NCOR2: variants seen among roughly 807,000 people sequenced by gnomAD.
The protein encoded by NCOR2 is CTG repeat protein 26.
Under a neutral mutation model 262.9 loss-of-function variants are expected in NCOR2, and 81 were observed. The ratio of observed to expected loss-of-function variants is 0.31; its 90% confidence interval spans 0.26 to 0.37. The LOEUF is 0.37. NCOR2 is among the 10% of genes least tolerant of loss of function. The pLI is 1.00. For synonymous variants in NCOR2, 1,659 were observed against 1,559.3 expected, an observed-to-expected ratio of 1.06 and a Z score of -1.51; for missense variants, 3,385 against 3,621.4, an observed-to-expected ratio of 0.93 and a Z score of 1.68.
At chr12:124,332,644 C>T (rs2035303201) in intron 42 of NCOR2, among the ~76,000 whole-genome samples, 177 bp from the exon 45 acceptor site, 1 of 152,138 alleles carries the variant, frequency 6.6e-6, no homozygotes, top group Admixed American at 6.5e-5. Flanking sequence ...CTCTGCGGTT[C>T]ACCCGTCCTG....
intron 1 of NCOR2, among the ~76,000 whole-genome samples, chr12:124,489,095 C>G (rs2047936935): frequency 6.6e-6 from 1 of 151,952 alleles, no homozygotes; most frequent in Non-Finnish European, 1.5e-5. Flanking sequence ...ACAAGAGTAC[C>G]TGGAGGCTCT....
chr12:124,357,865 T>C (rs942886766), intron 22 of NCOR2, among the ~76,000 whole-genome samples: 6 of 150,326 alleles, frequency 4.0e-5, no homozygotes, highest in East Asian at 2.0e-4. Context: ...GATGTGTGTG[T>C]GCGCCTGTAC....
intron 19 of NCOR2, 106 bp from the exon 22 acceptor site, chr12:124,372,716 CAA>C: frequency 9.9e-7 from 1 of 1,014,538 alleles, no homozygotes; most frequent in Non-Finnish European, 1.4e-6. Flanking sequence ...CGCCTGATGC[CAA>C]AACAGCCCCG....
intron 7 of NCOR2, among the ~76,000 whole-genome samples, chr12:124,444,493 A>G (rs2045023030): frequency 6.6e-6 from 1 of 152,118 alleles, no homozygotes; most frequent in Non-Finnish European, 1.5e-5. Flanking sequence ...TGGAAAAGGA[A>G]AGCTTGGGGG....
At chr12:124,428,724 A>G (rs1258001738) in intron 10 of NCOR2, among the ~76,000 whole-genome samples, 2 of 152,184 alleles carry the variant, frequency 1.3e-5, no homozygotes, top group Non-Finnish European at 2.9e-5. Flanking sequence ...CTGAATTGCT[A>G]ATTTTATCCC....
intron 1 of NCOR2, among the ~76,000 whole-genome samples, chr12:124,540,946 A>AGC (rs1450446630): frequency 2.0e-3 from 1 of 490 alleles, no homozygotes; most frequent in Non-Finnish European, 3.6e-3. Context: ...GGGAGTGGAG[A>AGC]TGGAGGGGGA....
At chr12:124,477,198 A>G (rs1442049797) in intron 3 of NCOR2, among the ~76,000 whole-genome samples, 1 of 152,148 alleles carries the variant, frequency 6.6e-6, no homozygotes, top group Non-Finnish European at 1.5e-5. Flanking sequence ...GGCCAAGTGG[A>G]GGTCATTGAA....
Position 124,531,069 on chromosome 12 carries a change from G to A in NCOR2, c.-118+4496C>T, listed in dbSNP as rs563574959. ...GGCTCCACCCAACCCGCCTCTCCCA[G>A]GGAAGCAGGGACAAAAGGATGGGGC... On this transcript the variant is annotated intron_variant, in intron 1 of 46. Transcript: ENST00000404621. The surrounding 1 kb of genome is among the most constrained non-coding windows in gnomAD (Gnocchi z 4.5). Among the ~76,000 whole-genome samples the A allele has an allele frequency of 3.0e-4, 45 of 152,208 alleles. No homozygotes were observed. The highest frequency in any genetic ancestry group is 4.7e-4 in the Non-Finnish European group (32 of 68,034).
chr12:124,404,432 G>C (rs2042159396), intron 13 of NCOR2, among the ~76,000 whole-genome samples: 1 of 152,228 alleles, frequency 6.6e-6, no homozygotes, highest in Non-Finnish European at 1.5e-5. Context: ...CTCCCGATGG[G>C]AGCAGCAGCC....
chr12:124,335,702 C>T, intron 38 of NCOR2, 70 bp from the exon 41 acceptor site: 1 of 1,515,248 alleles, frequency 6.6e-7, no homozygotes, highest in Non-Finnish European at 8.8e-7. Flanking sequence ...GCAGGGCTGC[C>T]CTCCCAGCTG....
chr12:124,414,207 G>A (rs1450730517), intron 13 of NCOR2, among the ~76,000 whole-genome samples: 1 of 152,230 alleles, frequency 6.6e-6, no homozygotes, highest in African/African-American at 2.4e-5. Flanking sequence ...CGGGCTGCAT[G>A]TGCCAGGCTA....
chr12:124,564,369 G>T (rs1714782201), intron 1 of NCOR2, among the ~76,000 whole-genome samples: 1 of 152,170 alleles, frequency 6.6e-6, no homozygotes, highest in African/African-American at 2.4e-5. Context: ...CCCTCCCCTG[G>T]GCACCTCAGG....
chr12:124,562,666 C>T (rs545415288), intron 1 of NCOR2, among the ~76,000 whole-genome samples: 41 of 152,208 alleles, frequency 2.7e-4, no homozygotes, highest in Non-Finnish European at 2.2e-4. Context: ...ATTTGTGAAA[C>T]ACCAACGACC....
Position 124,404,790 on chromosome 12 carries a change from G to A in NCOR2, c.1483-2229C>T, listed in dbSNP as rs527964256. On this transcript the variant is annotated intron_variant, in intron 13 of 46. Transcript: ENST00000405201. The stretch of plus-strand genomic sequence containing the variant: ...CTGTGCTGTCCATTTTCTATGGGCC[G>A]GCTCCTGGCCCCTCTGAAGTCCTGA... Among the ~76,000 whole-genome samples the A allele has an allele frequency of 2.8e-4, 42 of 152,312 alleles. 1 individual carries two copies. In the South Asian group the frequency reaches 7.5e-3, roughly 27 times the overall value.
At position 124,466,172 on chromosome 12, in the gene NCOR2, C is replaced by T. The variant is rs2046408564; in HGVS notation, c.705+1G>A. 2 of 1,606,830 alleles carry T rather than the reference C, an allele frequency of 1.2e-6. No homozygotes were observed. Among genetic ancestry groups the T allele is most frequent in the Non-Finnish European group, 1.7e-6 (2 of 1,176,954 alleles). On this transcript the variant is annotated splice_donor_variant, in intron 5 of 46. Transcript: ENST00000405201. LOFTEE classifies it high-confidence loss of function. The stretch of plus-strand genomic sequence containing the variant: ...CAGCAGGCCAGGGCGGGGACACATA[C>T]CCGGTTCTCGTCGTAGATGATCTGC...
At chr12:124,332,162 A>G in intron 43 of NCOR2, 157 bp downstream of exon 45, 1 of 875,368 alleles carries the variant, frequency 1.1e-6, no homozygotes, top group South Asian at 1.7e-5. Flanking sequence ...GGCTCCCCAA[A>G]TGTGAGGCAA....
At chr12:124,325,422 T>C in exon 47 of NCOR2, 1 of 776,052 alleles carries the variant, frequency 1.3e-6, no homozygotes. Flanking sequence ...TCGGAGAGTG[T>C]CTCGTACTGC....
At chr12:124,336,506 C>T (rs1379013032) in intron 38 of NCOR2, 7 of 1,038,568 alleles carry the variant, frequency 6.7e-6, no homozygotes, top group Admixed American at 4.0e-5. Context: ...GCGTGCAAAC[C>T]GGCGAGGACG....
Position 124,534,967 on chromosome 12 carries a change from A to G in NCOR2, c.-118+598T>C, listed in dbSNP as rs77746023. On this transcript the variant is annotated intron_variant, in intron 1 of 46. Transcript: ENST00000404621. ...GCATTAATCACCGCAGCAAAACCCT[A>G]TAAGGGGAAACTGTTATTGCCTCCC... Among the ~76,000 whole-genome samples the G allele has an allele frequency of 3.6e-3, 548 of 152,348 alleles. 13 individuals carry two copies. The East Asian group carries it at 0.07, about 19-fold the overall frequency.
Sources: gnomAD v4.1 joint callset for allele counts (sites outside exome capture counted in the v4.1 genomes callset) on GRCh38, gnomAD v4.1.1 for gene constraint, Gnocchi (gnomAD v3.1) non-coding constraint, MANE v1.5 for transcripts, NCBI Gene and HGNC (gene_info 2026-07-23, HGNC 2026-07-21) for gene names.